CHRDL1: variants seen among roughly 807,000 people sequenced by gnomAD.
The protein encoded by CHRDL1 is chordin-like protein 1.
Under a neutral mutation model 40.9 loss-of-function variants are expected in CHRDL1, and 19 were observed. The observed-to-expected ratio is 0.46, with a 90% confidence interval of 0.32 to 0.68. CHRDL1 has a LOEUF of 0.68. CHRDL1 is among the 30% of genes least tolerant of loss of function. CHRDL1 has a pLI of 0.03. For synonymous variants in CHRDL1, 136 were observed against 123.4 expected (o/e 1.10, Z -0.68); for missense variants, 329 against 352.1 (o/e 0.93, Z 0.53).
intron 6 of CHRDL1, 101 bp from the exon 7 acceptor site, chrX:110,700,822 T>C: frequency 1.8e-6 from 1 of 554,085 alleles, no homozygotes; most frequent in Non-Finnish European, 3.0e-6. Flanking sequence ...GATCCCAAAG[T>C]TCTTGAAGTG....
intron 3 of CHRDL1, among the ~76,000 whole-genome samples, chrX:110,760,275 G>A (rs1019875216): frequency 8.9e-6 from 1 of 112,122 alleles, no homozygotes; most frequent in Admixed American, 9.4e-5. Flanking sequence ...TTCTTCTGAG[G>A]ACGAGCTAGA....
intron 2 of CHRDL1, among the ~76,000 whole-genome samples, chrX:110,768,737 G>A (rs958030990): frequency 3.6e-5 from 4 of 110,864 alleles, no homozygotes; most frequent in Non-Finnish European, 7.6e-5. Context: ...ACATACTGAA[G>A]GCTGCACTGT....
At chrX:110,682,735 A>G (rs1329034545) in intron 9 of CHRDL1, among the ~76,000 whole-genome samples, 1 of 112,348 alleles carries the variant, frequency 8.9e-6, no homozygotes, top group African/African-American at 3.2e-5. Context: ...TAACCTGATT[A>G]GCTTTCCCAC....
At chrX:110,773,457 G>A (rs897918147) in intron 2 of CHRDL1, among the ~76,000 whole-genome samples, 1 of 111,322 alleles carries the variant, frequency 9.0e-6, no homozygotes, top group Non-Finnish European at 1.9e-5. Flanking sequence ...GGCCGGGCAC[G>A]GTGGCTCACG....
At chrX:110,718,776 G>A (rs1227147778) in intron 6 of CHRDL1, among the ~76,000 whole-genome samples, 2 of 111,841 alleles carry the variant, frequency 1.8e-5, no homozygotes, top group African/African-American at 3.3e-5. Flanking sequence ...CATAGTACTT[G>A]CATTATCTGT....
At chrX:110,717,978 C>T (rs2070874018) in intron 6 of CHRDL1, among the ~76,000 whole-genome samples, 1 of 111,898 alleles carries the variant, frequency 8.9e-6, no homozygotes, top group South Asian at 3.7e-4. Context: ...TTGAGAACCA[C>T]GGCTCCAAAT....
At chrX:110,783,983 T>A (rs1372908276) in intron 2 of CHRDL1, among the ~76,000 whole-genome samples, 1 of 112,236 alleles carries the variant, frequency 8.9e-6, no homozygotes, top group African/African-American at 3.2e-5. Flanking sequence ...TATTCTATTA[T>A]AACACATGGT....
chrX:110,700,678 G>T lies in CHRDL1; in HGVS notation c.585C>A (p.Phe195Leu), dbSNP rs1269469296. The change falls in exon 7 of 12, where the codon TTC (phenylalanine) becomes TTA (leucine). Residue 195 changes from phenylalanine to leucine, a missense_variant. By Grantham distance (22) the Phe-to-Leu change is conservative. Coordinates refer to ENST00000372042, the MANE Select transcript of CHRDL1 (RefSeq NM_001143981.2). ...CTGCTTCTCTGTTGGCAGGTTGCCG[G>T]AAGATATCACCATCAGAATGTTCCC... ...LSWEHSDGDI[F>L]RQPANREARH... is the part of the protein sequence containing the mutation. 1 of 1,190,869 alleles carries T rather than the reference G, an allele frequency of 8.4e-7. No individual in the cohort carries two copies. Among genetic ancestry groups the T allele is most frequent in the South Asian group, 1.8e-5 (1 of 56,519 alleles).
At chrX:110,771,144 CA>C (rs753915390) in intron 2 of CHRDL1, among the ~76,000 whole-genome samples, 2,310 of 65,437 alleles carry the variant, frequency 0.035, 31 homozygotes, top group Non-Finnish European at 0.046. Context: ...GACTCTGTCT[CA>C]AAAAAAAAAA....
chrX:110,713,899 A>G (rs1290593280), intron 6 of CHRDL1, among the ~76,000 whole-genome samples: 1 of 111,323 alleles, frequency 9.0e-6, no homozygotes, highest in Admixed American at 9.6e-5. Context: ...TCTAGAGTCC[A>G]AGTACATAGC....
intron 10 of CHRDL1, among the ~76,000 whole-genome samples, chrX:110,681,173 T>A (rs1169244147): frequency 9.0e-6 from 1 of 111,307 alleles, no homozygotes; most frequent in Non-Finnish European, 1.9e-5. Context: ...TATTTGGTAT[T>A]TAAAGGAAAC....
At chrX:110,738,412 C>T (rs911266922) in intron 4 of CHRDL1, among the ~76,000 whole-genome samples, 3 of 111,662 alleles carry the variant, frequency 2.7e-5, no homozygotes, top group African/African-American at 9.8e-5. Flanking sequence ...TCTCAACAAA[C>T]AACATATATC....
chrX:110,748,899 A>G (rs1246040082), intron 4 of CHRDL1, among the ~76,000 whole-genome samples: 1 of 112,094 alleles, frequency 8.9e-6, no homozygotes, highest in Admixed American at 9.5e-5. Context: ...TGGTTGTGCA[A>G]CAGTGTGAAT....
At chrX:110,755,572 C>T (rs2089438785) in intron 4 of CHRDL1, among the ~76,000 whole-genome samples, 4 of 112,096 alleles carry the variant, frequency 3.6e-5, no homozygotes, top group Non-Finnish European at 7.5e-5. Flanking sequence ...GAGTCTGTTA[C>T]CACCTAGGCA....
At chrX:110,742,255 A>G (rs1431590550) in intron 4 of CHRDL1, among the ~76,000 whole-genome samples, 1 of 111,673 alleles carries the variant, frequency 9.0e-6, no homozygotes, top group African/African-American at 3.3e-5. Flanking sequence ...CTTGTCTACC[A>G]TCAAGTCTAG....
chrX:110,699,628 G>C (rs890968020), intron 7 of CHRDL1, among the ~76,000 whole-genome samples: 15 of 112,101 alleles, frequency 1.3e-4, no homozygotes, highest in African/African-American at 4.9e-4. Flanking sequence ...TTCCAGATTG[G>C]TTTATATGCA....
At chrX:110,685,227 T>C (rs907964610) in intron 9 of CHRDL1, among the ~76,000 whole-genome samples, 2 of 112,219 alleles carry the variant, frequency 1.8e-5, no homozygotes. Context: ...GTCTTTTTGT[T>C]TCTTTTTTTT....
chrX:110,747,746 C>A, intron 4 of CHRDL1, among the ~76,000 whole-genome samples: 1 of 112,288 alleles, frequency 8.9e-6, no homozygotes. Flanking sequence ...AGAAGCACCA[C>A]CCCCCAATGG....
intron 4 of CHRDL1, among the ~76,000 whole-genome samples, chrX:110,721,833 A>G (rs771420409): frequency 3.5e-4 from 39 of 112,470 alleles, no homozygotes; most frequent in Middle Eastern, 4.6e-3. Flanking sequence ...GAGAGGGATC[A>G]GAGAACATGG....
Sources: allele counts gnomAD v4.1 joint callset (sites outside exome capture counted in the v4.1 genomes callset), GRCh38; gene constraint gnomAD v4.1.1; transcripts MANE v1.5; gene names NCBI Gene and HGNC (gene_info 2026-07-23, HGNC 2026-07-21).